The following CSMD1 variants were observed in gnomAD, a reference collection of about 807,000 sequenced individuals.
CSMD1 encodes CUB and sushi domain-containing protein 1.
A neutral mutation model predicts 417.5 loss-of-function variants in CSMD1; 213 were observed. That is an observed-to-expected ratio of 0.51 (90% CI 0.46 to 0.57). The LOEUF is 0.57. CSMD1 is among the 20% of genes least tolerant of loss of function. CSMD1 has a pLI of 0.00. For missense variants in CSMD1, 6,923 were observed against 4,529.7 expected (o/e 1.53, Z -15.17); for synonymous variants, 2,862 against 1,736.8 (o/e 1.65, Z -16.11).
chr8:4,790,167 C>A (rs1797618234), intron 1 of CSMD1, among the ~76,000 whole-genome samples: 1 of 152,108 alleles, frequency 6.6e-6, no homozygotes, highest in Admixed American at 6.5e-5. Context: ...TACAGTTCAA[C>A]ATAATAAGAA....
intron 10 of CSMD1, among the ~76,000 whole-genome samples, chr8:3,547,108 G>A (rs1055248446): frequency 9.2e-5 from 14 of 152,120 alleles, no homozygotes; most frequent in Non-Finnish European, 1.8e-4. Flanking sequence ...CTACAGGTTG[G>A]CCAACCCTCA....
At chr8:3,738,939 C>G (rs1653257134) in intron 6 of CSMD1, among the ~76,000 whole-genome samples, 1 of 152,122 alleles carries the variant, frequency 6.6e-6, no homozygotes, top group African/African-American at 2.4e-5. Context: ...TTGCTGAATG[C>G]GCATATTTGT....
Position 4,465,512 on chromosome 8 carries a change from G to A in CSMD1, c.303-45447C>T, listed in dbSNP as rs376507185. On this transcript the variant is annotated intron_variant, in intron 2 of 69. Coordinates refer to ENST00000635120, the MANE Select transcript of CSMD1 (RefSeq NM_033225.6). ...CCTCCCAAGAGGTGACTTAACAGTGGGGGATATGGAAGCACATACAACTCC... is the reference window on the plus strand; with the variant it reads ...CCTCCCAAGAGGTGACTTAACAGTGAGGGATATGGAAGCACATACAACTCC... Among the ~76,000 whole-genome samples, 46 of 152,106 alleles carry A rather than the reference G, an allele frequency of 3.0e-4. 3 individuals are homozygous for A. In the South Asian group the frequency reaches 8.5e-3, roughly 28 times the overall value.
intron 2 of CSMD1, among the ~76,000 whole-genome samples, chr8:4,524,901 G>A (rs574383475): frequency 6.6e-6 from 1 of 152,120 alleles, no homozygotes; most frequent in East Asian, 1.9e-4. Context: ...TTCTTAAAAA[G>A]TAAAACTTTA....
intron 52 of CSMD1, among the ~76,000 whole-genome samples, chr8:3,003,210 G>C (rs1807568061): frequency 6.6e-6 from 1 of 152,182 alleles, no homozygotes; most frequent in African/African-American, 2.4e-5. Flanking sequence ...TCAATATGTT[G>C]AGGAAGGGAA....
chr8:2,975,785 A>G (rs1037581823), intron 55 of CSMD1, among the ~76,000 whole-genome samples: 2 of 152,228 alleles, frequency 1.3e-5, no homozygotes, highest in Non-Finnish European at 2.9e-5. Flanking sequence ...AGGCACCCTG[A>G]GATCTTTGGA....
intron 3 of CSMD1, among the ~76,000 whole-genome samples, chr8:4,146,432 G>C (rs1235100201): frequency 6.6e-6 from 1 of 150,414 alleles, no homozygotes; most frequent in Non-Finnish European, 1.5e-5. Context: ...CGTGTACCCA[G>C]GATGTGTCTC....
At chr8:4,649,289 A>C in intron 1 of CSMD1, among the ~76,000 whole-genome samples, 1 of 152,220 alleles carries the variant, frequency 6.6e-6, no homozygotes. Flanking sequence ...ATTGTATCTG[A>C]TAAAAGATAT....
At chr8:4,077,307 A>ATATATG (rs1554439913) in intron 3 of CSMD1, among the ~76,000 whole-genome samples, 1 of 141,514 alleles carries the variant, frequency 7.1e-6, no homozygotes, top group African/African-American at 2.7e-5. Context: ...GTATATATAT[A>ATATATG]TATATATATA....
chr8:3,257,036 T>G (rs1800703106), intron 26 of CSMD1, among the ~76,000 whole-genome samples: 1 of 152,228 alleles, frequency 6.6e-6, no homozygotes, highest in African/African-American at 2.4e-5. Context: ...GAAATACTTC[T>G]GAGGGCCAGG....
At chr8:3,119,807 G>A (rs1283626992) in intron 41 of CSMD1, among the ~76,000 whole-genome samples, 1 of 152,124 alleles carries the variant, frequency 6.6e-6, no homozygotes, top group Non-Finnish European at 1.5e-5. Flanking sequence ...CACCAGTTCT[G>A]GGGGAACCTC....
intron 5 of CSMD1, among the ~76,000 whole-genome samples, chr8:3,907,148 G>A (rs533397547): frequency 2.0e-5 from 3 of 152,066 alleles, no homozygotes; most frequent in Admixed American, 6.5e-5. Context: ...TTCATGTTAC[G>A]TTGTGTATTA....
intron 8 of CSMD1, among the ~76,000 whole-genome samples, chr8:3,590,617 A>C (rs986926861): frequency 6.6e-6 from 1 of 152,122 alleles, no homozygotes; most frequent in African/African-American, 2.4e-5. Context: ...CTTTTTGCAA[A>C]TTATCGGAAA....
chr8:3,668,379 T>G (rs1373161503), intron 7 of CSMD1, among the ~76,000 whole-genome samples: 1 of 152,032 alleles, frequency 6.6e-6, no homozygotes, highest in Non-Finnish European at 1.5e-5. Context: ...CAGACCCAAA[T>G]TCTGTTTTAA....
At chr8:4,502,232 C>T (rs1030363782) in intron 2 of CSMD1, among the ~76,000 whole-genome samples, 13 of 152,140 alleles carry the variant, frequency 8.5e-5, no homozygotes, top group East Asian at 1.9e-4. Context: ...ATGAGCAGAA[C>T]GTAGAACTAG....
chr8:3,843,243 G>A (rs944404915), intron 5 of CSMD1, among the ~76,000 whole-genome samples: 15 of 152,044 alleles, frequency 9.9e-5, no homozygotes, highest in African/African-American at 3.4e-4. Flanking sequence ...AAAATCATCT[G>A]CTGATAAACT....
intron 5 of CSMD1, among the ~76,000 whole-genome samples, chr8:3,950,478 C>G (rs760104652): frequency 6.6e-6 from 1 of 152,210 alleles, no homozygotes; most frequent in South Asian, 2.1e-4. Flanking sequence ...AATGCACAAA[C>G]ATAACACGCC....
chr8:3,609,905 G>A lies in CSMD1; in HGVS notation c.1097+6805C>T, dbSNP rs548930026. ...GCGATCTCGGCTCCTGGGTTCAAAC[G>A]ATTCTCCTGCCTCAGCCTCCCAAGT... On this transcript the variant is annotated intron_variant, in intron 8 of 69. Transcript: ENST00000635120. Among the ~76,000 whole-genome samples, 11 of 128,030 alleles carry A rather than the reference G, an allele frequency of 8.6e-5. No homozygotes were observed. The South Asian group carries it at 2.4e-3, about 28-fold the overall frequency. 84.0% of individuals were successfully genotyped at this position (128,030 alleles called of 152,430 possible).
chr8:3,711,384 T>C (rs774929595), intron 6 of CSMD1, among the ~76,000 whole-genome samples: 10 of 152,138 alleles, frequency 6.6e-5, no homozygotes, highest in Non-Finnish European at 1.2e-4. Context: ...GCTGTTCATC[T>C]TCAGCCCGTT....
Sources: gnomAD v4.1 joint callset for allele counts (sites outside exome capture counted in the v4.1 genomes callset) on GRCh38, gnomAD v4.1.1 for gene constraint, MANE v1.5 for transcripts, NCBI Gene and HGNC (gene_info 2026-07-23, HGNC 2026-07-21) for gene names.